Variants in FAM135B observed in about 807,000 individuals in gnomAD.
FAM135B encodes the protein family with sequence similarity 135 member B.
FAM135B carries 43 observed loss-of-function variants against 127.7 expected under a neutral mutation model. The observed-to-expected ratio is 0.34, with a 90% CI of 0.26 to 0.43. FAM135B has a LOEUF of 0.43. Ranked by LOEUF, FAM135B falls within the 20% of genes least tolerant of loss-of-function variation. The pLI is 1.00. For missense variants in FAM135B, 1,558 were observed against 1,725.6 expected (o/e 0.90, Z 1.72); for synonymous variants, 670 against 665.1 (o/e 1.01, Z -0.11).
chr8:138,137,689 A>T (rs1161297502), intron 18 of FAM135B, among the ~76,000 whole-genome samples: 1 of 152,150 alleles, frequency 6.6e-6, no homozygotes. Context: ...CCTCAACTCC[A>T]GCACCTCTCC....
At chr8:138,468,286 C>T (rs561382164) in intron 1 of FAM135B, among the ~76,000 whole-genome samples, 2 of 152,256 alleles carry the variant, frequency 1.3e-5, no homozygotes, top group South Asian at 2.1e-4. Flanking sequence ...TCCTCTAACC[C>T]TGTTTTATTT....
chr8:138,137,545 G>A (rs1816770111), intron 18 of FAM135B, among the ~76,000 whole-genome samples: 1 of 152,144 alleles, frequency 6.6e-6, no homozygotes, highest in African/African-American at 2.4e-5. Context: ...AGCCATGAAA[G>A]CTAAGGAGAC....
At chr8:138,424,751 T>C (rs1266860371) in intron 1 of FAM135B, among the ~76,000 whole-genome samples, 1 of 152,226 alleles carries the variant, frequency 6.6e-6, no homozygotes, top group Non-Finnish European at 1.5e-5. Context: ...CTCTACTTAT[T>C]GGATACTTAG....
intron 8 of FAM135B, among the ~76,000 whole-genome samples, 181 bp from the exon 9 acceptor site, chr8:138,195,488 C>A (rs4543591): frequency 0.35 from 49,639 of 142,022 alleles, 9,190 homozygotes; most frequent in East Asian, 0.43. Flanking sequence ...GAGAATGAAC[C>A]TGATTGGAGC....
intron 1 of FAM135B, among the ~76,000 whole-genome samples, chr8:138,485,122 T>C (rs1242784730): frequency 6.6e-6 from 1 of 152,230 alleles, no homozygotes; most frequent in Non-Finnish European, 1.5e-5. Context: ...ATATTTAATT[T>C]TAGTAATTTC....
chr8:138,308,155 C>T (rs1220096401), intron 3 of FAM135B, among the ~76,000 whole-genome samples: 1 of 151,490 alleles, frequency 6.6e-6, no homozygotes, highest in East Asian at 2.0e-4. Context: ...TTCATTTTCT[C>T]TCTGAGGAAC....
chr8:138,424,290 C>T (rs949898884), intron 1 of FAM135B, among the ~76,000 whole-genome samples: 5 of 152,094 alleles, frequency 3.3e-5, no homozygotes, highest in Admixed American at 6.6e-5. Context: ...TAAAGAGAGG[C>T]GTAAGAAATT....
chr8:138,206,242 A>G (rs1586769359), intron 7 of FAM135B, among the ~76,000 whole-genome samples: 1 of 151,148 alleles, frequency 6.6e-6, no homozygotes, highest in East Asian at 2.0e-4. Flanking sequence ...CAGCTCTCTC[A>G]TCCCCTCCAC....
chr8:138,280,122 C>T (rs934387493), intron 3 of FAM135B, among the ~76,000 whole-genome samples: 37 of 152,298 alleles, frequency 2.4e-4, no homozygotes, highest in Admixed American at 9.2e-4. Context: ...ACCCGCTGCA[C>T]CCACGGCCCT....
chr8:138,416,438 T>G (rs1297215016), intron 1 of FAM135B, among the ~76,000 whole-genome samples: 1 of 152,206 alleles, frequency 6.6e-6, no homozygotes, highest in African/African-American at 2.4e-5. Context: ...CTAATACAGC[T>G]GGAGTAAAAT....
intron 1 of FAM135B, among the ~76,000 whole-genome samples, chr8:138,483,123 T>A (rs1814852720): frequency 6.6e-6 from 1 of 152,326 alleles, no homozygotes; most frequent in African/African-American, 2.4e-5. Context: ...GAAACAGAGA[T>A]GGACTTAAAT....
chr8:138,164,325 G>A (rs1404265964), intron 12 of FAM135B, among the ~76,000 whole-genome samples: 4 of 152,274 alleles, frequency 2.6e-5, no homozygotes, highest in East Asian at 1.9e-4. Context: ...AGAGAGACCC[G>A]CCTCTGAGAG....
chr8:138,342,829 T>C (rs1481741069), intron 2 of FAM135B, among the ~76,000 whole-genome samples: 1 of 152,166 alleles, frequency 6.6e-6, no homozygotes, highest in Non-Finnish European at 1.5e-5. Flanking sequence ...CATAGACATG[T>C]CAGCACACAA....
intron 2 of FAM135B, among the ~76,000 whole-genome samples, chr8:138,344,197 A>G (rs1829243411): frequency 6.6e-6 from 1 of 152,230 alleles, no homozygotes; most frequent in Non-Finnish European, 1.5e-5. Context: ...GAGGATTTAC[A>G]AAAGATAAGA....
chr8:138,195,965 C>T (rs917438846), intron 8 of FAM135B, among the ~76,000 whole-genome samples: 2 of 152,128 alleles, frequency 1.3e-5, no homozygotes, highest in African/African-American at 4.8e-5. Flanking sequence ...GGAAACAATC[C>T]CTTAGCAGCT....
At chr8:138,156,614 T>C (rs1169576412) in intron 12 of FAM135B, among the ~76,000 whole-genome samples, 1 of 151,946 alleles carries the variant, frequency 6.6e-6, no homozygotes, top group African/African-American at 2.4e-5. Context: ...ATAAAGGGGA[T>C]ATCACCACCA....
At chr8:138,177,234 A>T in intron 11 of FAM135B, 113 bp downstream of exon 11, 2 of 915,386 alleles carry the variant, frequency 2.2e-6, no homozygotes, top group Non-Finnish European at 3.4e-6. Context: ...GAAAGTGCAG[A>T]GGTGGGCAGA....
At chr8:138,162,081 T>G (rs948452023) in intron 12 of FAM135B, among the ~76,000 whole-genome samples, 8 of 152,358 alleles carry the variant, frequency 5.3e-5, no homozygotes, top group Non-Finnish European at 7.3e-5. Flanking sequence ...CTTTGACATA[T>G]TCTATGTGAA....
chr8:138,473,160 A>G (rs902206909), intron 1 of FAM135B, among the ~76,000 whole-genome samples: 11 of 152,162 alleles, frequency 7.2e-5, no homozygotes, highest in Non-Finnish European at 1.5e-4. Context: ...AAGGCCTTGC[A>G]TTAATAATGA....
Sources: allele counts gnomAD v4.1 joint callset (sites outside exome capture counted in the v4.1 genomes callset), GRCh38; gene constraint gnomAD v4.1.1; transcripts MANE v1.5; gene names NCBI Gene and HGNC (gene_info 2026-07-23, HGNC 2026-07-21).